TP53BP1: variants seen among roughly 807,000 people sequenced by gnomAD.
TP53BP1 encodes TP53-binding protein 1.
TP53BP1 carries 61 observed loss-of-function variants against 200.8 expected under a neutral mutation model. That is an observed-to-expected ratio of 0.30 (90% CI 0.25 to 0.38). The LOEUF is 0.38. TP53BP1 is among the 10% of genes least tolerant of loss of function. The pLI, the probability that TP53BP1 is intolerant of heterozygous loss-of-function variation, is 1.00. For missense variants in TP53BP1, 2,144 were observed against 2,371.9 expected (o/e 0.90, Z 2.00); for synonymous variants, 822 against 844.3 (o/e 0.97, Z 0.46).
chr15:43,455,769 G>T, intron 12 of TP53BP1, 123 bp downstream of exon 12: 1 of 1,177,478 alleles, frequency 8.5e-7, no homozygotes. Flanking sequence ...AATTATTATT[G>T]GTTGTTCATA....
Position 43,419,831 on chromosome 15 carries a change from C to A in TP53BP1, c.4681+474G>T, listed in dbSNP as rs2045353504. Among the ~76,000 whole-genome samples the A allele has an allele frequency of 2.0e-5, 3 of 152,106 alleles. No homozygotes were observed. In the South Asian group the frequency reaches 6.2e-4, roughly 32 times the overall value. ...TGAAAAACAAAAGACTGAGAAATTG[C>A]CACAAATCAGAGCAGACCAAAGGGT... On this transcript the variant is annotated intron_variant, in intron 21 of 27. Coordinates refer to ENST00000382044, the MANE Select transcript of TP53BP1 (RefSeq NM_001141980.3).
At chr15:43,420,783 G>C (rs779599256) in intron 20 of TP53BP1, 48 bp from the exon 21 acceptor site, 1 of 1,530,820 alleles carries the variant, frequency 6.5e-7, no homozygotes, top group Non-Finnish European at 8.9e-7. Flanking sequence ...CAAGAACACA[G>C]AAGTATATAT....
At chr15:43,422,914 G>A (rs2045438818) in intron 18 of TP53BP1, among the ~76,000 whole-genome samples, 1 of 151,728 alleles carries the variant, frequency 6.6e-6, no homozygotes, top group Non-Finnish European at 1.5e-5. Context: ...AGGATCACTT[G>A]AGCTTGGAAG....
chr15:43,465,446 T>C (rs977824920), intron 11 of TP53BP1, among the ~76,000 whole-genome samples: 2 of 151,778 alleles, frequency 1.3e-5, no homozygotes, highest in Non-Finnish European at 2.9e-5. Context: ...ACCCAGCAAG[T>C]TGAACTAAAA....
rs1489703417 is a variant in TP53BP1, at chr15:43,404,464, A to T, written c.*2919T>A. The T allele has an allele frequency of 1.9e-6, 3 of 1,614,048 alleles. No homozygotes were observed. Among genetic ancestry groups the T allele is most frequent in the Non-Finnish European group, 2.5e-6 (3 of 1,180,042 alleles). ...GTTCAAGATTCTCTCCAGTGTTCGGAATCATCAGATCAACTCAGATTTGGC... is the reference window on the plus strand; with the variant it reads ...GTTCAAGATTCTCTCCAGTGTTCGGTATCATCAGATCAACTCAGATTTGGC... On this transcript the variant is annotated 3_prime_UTR_variant, in exon 28 of 28. Coordinates refer to ENST00000382044, the MANE Select transcript of TP53BP1 (RefSeq NM_001141980.3).
At position 43,485,255 on chromosome 15, in the gene TP53BP1, G is replaced by T. The variant is rs975564789; in HGVS notation, c.372-4233C>A. On this transcript the variant is annotated intron_variant, in intron 4 of 27. Transcript: ENST00000382044. ...ATCACTTTGTATCCCCAAAATCCAA[G>T]AACACCTGGCACACAGAAAATACTC... 1.6e-4 allele frequency among the ~76,000 whole-genome samples: 24 copies of T among 152,046 alleles called. 1 individual carries two copies. The highest frequency in any genetic ancestry group is 1.3e-4 in the Admixed American group (2 of 15,266).
chr15:43,415,929 G>T, intron 22 of TP53BP1, 120 bp from the exon 23 acceptor site: 1 of 847,642 alleles, frequency 1.2e-6, no homozygotes, highest in Non-Finnish European at 1.9e-6. Flanking sequence ...TTCCCATGAG[G>T]CCAAGAAGCT....
chr15:43,473,430 CAG>C (rs1160230215), intron 10 of TP53BP1, among the ~76,000 whole-genome samples: 9 of 151,244 alleles, frequency 6.0e-5, no homozygotes, highest in South Asian at 2.1e-4. Flanking sequence ...TAGCTAGATA[CAG>C]AGTGTCCACA....
At chr15:43,491,038 TG>T (rs2079114679) in intron 4 of TP53BP1, among the ~76,000 whole-genome samples, 1 of 152,016 alleles carries the variant, frequency 6.6e-6, no homozygotes, top group South Asian at 2.1e-4. Flanking sequence ...AGTTGATAGA[TG>T]GAAAACATGC....
chr15:43,421,202 T>C (rs745902999), intron 19 of TP53BP1, 28 bp from the exon 20 acceptor site: 2 of 1,610,914 alleles, frequency 1.2e-6, no homozygotes, highest in South Asian at 2.2e-5. Context: ...GTTAGTCTGA[T>C]AGCACCTGCT....
At chr15:43,479,239 T>C (rs776518103) in intron 7 of TP53BP1, among the ~76,000 whole-genome samples, 158 bp downstream of exon 7, 2 of 152,142 alleles carry the variant, frequency 1.3e-5, no homozygotes, top group Non-Finnish European at 2.9e-5. Context: ...TGAGACTTCA[T>C]AAATAATCAA....
intron 5 of TP53BP1, 57 bp downstream of exon 5, chr15:43,480,838 A>C (rs7173383): frequency 0.18 from 289,180 of 1,589,492 alleles, 28,225 homozygotes; most frequent in Middle Eastern, 0.26. Context: ...ACATCTGCAC[A>C]ATCATGTTAA....
intron 4 of TP53BP1, among the ~76,000 whole-genome samples, chr15:43,486,171 G>T (rs879877316): frequency 6.6e-6 from 1 of 152,060 alleles, no homozygotes; most frequent in Non-Finnish European, 1.5e-5. Context: ...GAGGTCGGGA[G>T]TTCAAGACCA....
chr15:43,454,729 ATTATT>A (rs1375418369), intron 12 of TP53BP1, among the ~76,000 whole-genome samples: 1 of 151,238 alleles, frequency 6.6e-6, no homozygotes. Context: ...TACTCTACAA[ATTATT>A]TTATTTTATT....
rs894673324 is a variant in TP53BP1, at chr15:43,470,003, T to C, written c.1244A>G (p.Gln415Arg). ...EGGEPFQKKL[Q>R]SGEPVELENP... ...TTCTAACTCCACTGGTTCACCACTT[T>C]GAAGTTTCTTCTGAAAAGGCTCTCC... The change falls in exon 11 of 28, where the codon CAA becomes CGA. Residue 415 changes from glutamine (Q) to arginine (R), a missense_variant. Coordinates refer to ENST00000382044, the MANE Select transcript of TP53BP1 (RefSeq NM_001141980.3). The C allele has an allele frequency of 1.9e-6, 3 of 1,613,730 alleles. No individual in the cohort carries two copies. Among genetic ancestry groups the C allele is most frequent in the Admixed American group, 1.7e-5 (1 of 60,006 alleles).
chr15:43,408,314 C>T, intron 26 of TP53BP1: 2 of 434,064 alleles, frequency 4.6e-6, no homozygotes, highest in Non-Finnish European at 8.3e-6. Context: ...CCCATCTCTA[C>T]AAAAGACAAC....
At chr15:43,480,799 C>G in intron 5 of TP53BP1, 96 bp downstream of exon 5, 1 of 1,335,626 alleles carries the variant, frequency 7.5e-7, no homozygotes, top group East Asian at 2.4e-5. Flanking sequence ...TATGAGAAAT[C>G]TGCAACCTAA....
intron 21 of TP53BP1, among the ~76,000 whole-genome samples, chr15:43,418,249 G>C (rs1353891912): frequency 6.7e-6 from 1 of 150,326 alleles, no homozygotes; most frequent in Non-Finnish European, 1.5e-5. Flanking sequence ...TGTAATCCCA[G>C]CACTTTGGGA....
At chr15:43,492,802 C>A (rs1037399663) in intron 1 of TP53BP1, among the ~76,000 whole-genome samples, 6 of 150,702 alleles carry the variant, frequency 4.0e-5, no homozygotes, top group African/African-American at 1.5e-4. Flanking sequence ...TACCTCCCCC[C>A]AAAAGAATGT....
Sources: allele counts gnomAD v4.1 joint callset (sites outside exome capture counted in the v4.1 genomes callset), GRCh38; gene constraint gnomAD v4.1.1; transcripts MANE v1.5; gene names NCBI Gene and HGNC (gene_info 2026-07-23, HGNC 2026-07-21).